Variants in RTCB observed in about 807,000 individuals in gnomAD.
The protein encoded by RTCB is RNA 2',3'-cyclic phosphate and 5'-OH ligase.
Under a neutral mutation model 58.2 loss-of-function variants are expected in RTCB, and 32 were observed. That is an observed-to-expected ratio of 0.55 (90% confidence interval 0.41 to 0.74). The LOEUF is 0.74. Ranked by LOEUF, RTCB falls within the 30% of genes least tolerant of loss-of-function variation. The probability of loss-of-function intolerance (pLI) is 0.00; values close to 1 mark genes in which losing one functional copy is unlikely to be tolerated. For synonymous variants in RTCB, 247 were observed against 218.6 expected, an observed-to-expected ratio of 1.13 and a Z score of -1.15; for missense variants, 523 against 639.0, an observed-to-expected ratio of 0.82 and a Z score of 1.96.
intron 3 of RTCB, 67 bp from the exon 4 acceptor site, chr22:32,406,828 T>C (rs953066467): frequency 3.6e-5 from 38 of 1,063,374 alleles, no homozygotes; most frequent in Middle Eastern, 2.1e-4. Context: ...CTGATGGACC[T>C]GACACTGATT....
Position 32,406,731 on chromosome 22 carries a change from CTGAA to C in RTCB, c.267_270del (p.His89GlnfsTer15). The C allele has an allele frequency of 6.2e-7, 1 of 1,612,484 alleles. No individual in the cohort carries two copies. The highest frequency in any genetic ancestry group is 8.5e-7 in the Non-Finnish European group (1 of 1,178,788). ...ATGTTCCCAATAGCAAACCCATATC[CTGAA>C]TGGACATCAGGAAGCCCAATAGATC... On this transcript the variant is annotated frameshift_variant, in exon 4 of 12. Coordinates refer to ENST00000216038, the MANE Select transcript of RTCB (RefSeq NM_014306.5). LOFTEE classifies it high-confidence loss of function.
intron 10 of RTCB, among the ~76,000 whole-genome samples, chr22:32,393,431 T>C (rs945716491): frequency 1.1e-4 from 16 of 152,268 alleles, no homozygotes; most frequent in African/African-American, 3.9e-4. Context: ...TGTTTTGAAA[T>C]GGGTGTGTGT....
chr22:32,407,498 C>T (rs1034059912), intron 3 of RTCB: 1 of 152,386 alleles, frequency 6.6e-6, no homozygotes, highest in Admixed American at 6.5e-5. Context: ...CTTGCCATTT[C>T]TTCTTCAATG....
rs947280865 is a variant in RTCB at position 32,406,738 on chromosome 22, G to A, written c.264C>T (p.Val88=). The change falls in exon 4 of 12, where the codon GTC becomes GTT. Residue 88 remains valine (V), a synonymous_variant. Coordinates refer to ENST00000216038, the MANE Select transcript of RTCB (RefSeq NM_014306.5). Reference sequence around the variant, plus strand: ...CAATAGCAAACCCATATCCTGAATGGACATCAGGAAGCCCAATAGATCGCT... The same window carrying A: ...CAATAGCAAACCCATATCCTGAATGAACATCAGGAAGCCCAATAGATCGCT... ...IVHRSIGLPD[V]HSGYGFAIGN... 1 of 1,611,090 alleles carries A rather than the reference G, an allele frequency of 6.2e-7. No homozygotes were observed. Among genetic ancestry groups the A allele is most frequent in the Non-Finnish European group, 8.5e-7 (1 of 1,177,502 alleles).
intron 11 of RTCB, among the ~76,000 whole-genome samples, chr22:32,391,086 G>A (rs956981290): frequency 4.6e-5 from 7 of 152,156 alleles, no homozygotes; most frequent in African/African-American, 1.7e-4. Flanking sequence ...ATAGGCATGA[G>A]CCACCATGTA....
intron 1 of RTCB, among the ~76,000 whole-genome samples, chr22:32,411,281 G>A (rs924852558): frequency 6.6e-6 from 1 of 152,172 alleles, no homozygotes; most frequent in Non-Finnish European, 1.5e-5. Flanking sequence ...TTAAAAATAC[G>A]TTGCAAAACT....
chr22:32,409,114 A>G (rs552058190), intron 1 of RTCB, among the ~76,000 whole-genome samples: 1 of 152,292 alleles, frequency 6.6e-6, no homozygotes, highest in Non-Finnish European at 1.5e-5. Context: ...TCTTTTTGTG[A>G]TAAAGAAAAA....
intron 1 of RTCB, among the ~76,000 whole-genome samples, chr22:32,409,571 A>G (rs1168042785): frequency 6.6e-6 from 1 of 152,240 alleles, no homozygotes; most frequent in East Asian, 1.9e-4. Context: ...AAGATTTAAC[A>G]CTTAATCAAT....
chr22:32,388,946 G>A (rs1042914816), intron 11 of RTCB, among the ~76,000 whole-genome samples: 4 of 151,978 alleles, frequency 2.6e-5, no homozygotes, highest in African/African-American at 4.8e-5. Context: ...GATCTTTCCC[G>A]AGGATACCAC....
chr22:32,397,993 C>T lies in RTCB; in HGVS notation c.762G>A (p.Val254=). 6.2e-7 allele frequency: 1 copy of T among 1,614,188 alleles called. No individual in the cohort carries two copies. The highest frequency in any genetic ancestry group is 8.5e-7 in the Non-Finnish European group (1 of 1,180,036). Residue 254 remains valine (V), a synonymous_variant, in exon 7 of 12, where the codon GTG becomes GTA. Coordinates refer to ENST00000216038, the MANE Select transcript of RTCB (RefSeq NM_014306.5). ...KKMGIDHKGQ[V]CVMIHSGSRG... is the part of the protein sequence containing the mutation. Reference sequence around the variant, plus strand: ...TGCTTCCACTGTGGATCATCACACACACCTGTCCCTTATGGTCGATGCCCA... The same window carrying T: ...TGCTTCCACTGTGGATCATCACACATACCTGTCCCTTATGGTCGATGCCCA...
At chr22:32,392,128 A>T in intron 11 of RTCB, 112 bp downstream of exon 11, 3 of 1,202,446 alleles carry the variant, frequency 2.5e-6, no homozygotes, top group Non-Finnish European at 3.4e-6. Flanking sequence ...ATAAAAAAAA[A>T]TAACCCAAAC....
rs759104250 is a variant in RTCB at position 32,395,026 on chromosome 22, T to A, written c.1179A>T (p.Gln393His). ...PHHPLIAVDY[Q>H]LTGQPVLIGG... The stretch of plus-strand genomic sequence containing the variant: ...AAACTACAAACGTAGAGCTACGTAC[T>A]TGGTAATCAACAGCAATGAGGGGAT... Residue 393 changes from glutamine (Q) to histidine (H), a missense_variant and splice_region_variant, in exon 9 of 12, where the codon CAA becomes CAT. This residue lies in a region of RTCB where 248 missense variants were observed against 292.5 expected (regional missense o/e 0.85). Coordinates refer to ENST00000216038, the MANE Select transcript of RTCB (RefSeq NM_014306.5). 6.2e-7 allele frequency: 1 copy of A among 1,612,438 alleles called. No individual in the cohort carries two copies. The highest frequency in any genetic ancestry group is 1.7e-5 in the Admixed American group (1 of 59,968).
chr22:32,388,001 G>T lies in RTCB; in HGVS notation c.1509C>A (p.Ile503=). Residue 503 remains isoleucine (I), a synonymous_variant, in exon 12 of 12, where the codon ATC becomes ATA. Coordinates refer to ENST00000216038, the MANE Select transcript of RTCB (RefSeq NM_014306.5). The part of the protein sequence containing the change: ...KAIKLRPIAV[I]KG ...CCTGCTGTCCAAGGTTCTATCCTTT[G>T]ATCACAGCAATTGGTCTCAGTTTAA... The T allele has an allele frequency of 6.2e-7, 1 of 1,609,838 alleles. No individual in the cohort carries two copies. Among genetic ancestry groups the T allele is most frequent in the South Asian group, 1.1e-5 (1 of 90,950 alleles).
intron 4 of RTCB, among the ~76,000 whole-genome samples, chr22:32,405,438 GTA>G (rs753142523): frequency 4.6e-5 from 7 of 152,064 alleles, no homozygotes; most frequent in Non-Finnish European, 7.4e-5. Context: ...GAAAAAAAAT[GTA>G]TACTCTGCAC....
At chr22:32,408,579 A>G (rs1017235590) in intron 2 of RTCB, among the ~76,000 whole-genome samples, 176 bp downstream of exon 2, 1 of 152,248 alleles carries the variant, frequency 6.6e-6, no homozygotes, top group East Asian at 1.9e-4. Context: ...AATCCGTTCT[A>G]TAACGCCAAC....
chr22:32,390,000 C>G (rs1198190040), intron 11 of RTCB, among the ~76,000 whole-genome samples: 1 of 152,142 alleles, frequency 6.6e-6, no homozygotes, highest in African/African-American at 2.4e-5. Context: ...TTGCTGTTCT[C>G]TCTGCCTCGA....
rs1290849664 is a variant in RTCB at position 32,412,087 on chromosome 22, T to G, written c.70A>C (p.Lys24Gln). Reference protein sequence around the residue: ...KINKNCWRIKKGFVPNMQVEG... With the variant: ...KINKNCWRIKQGFVPNMQVEG... ...ACCTGCATGTTGGGCACGAAGCCCTTCTTGATCCTCCAGCAGTTTTTATTG... is the reference window on the plus strand; with the variant it reads ...ACCTGCATGTTGGGCACGAAGCCCTGCTTGATCCTCCAGCAGTTTTTATTG... The change falls in exon 1 of 12, where the codon AAG becomes CAG. Residue 24 changes from lysine to glutamine, a missense_variant. This residue lies in a region of RTCB where 134 missense variants were observed against 129.9 expected (regional missense o/e 1.03). Transcript: ENST00000216038. 6 of 1,609,226 alleles carry G rather than the reference T, an allele frequency of 3.7e-6. No homozygotes were observed. Among genetic ancestry groups the G allele is most frequent in the African/African-American group, 1.3e-5 (1 of 74,796 alleles).
intron 7 of RTCB, among the ~76,000 whole-genome samples, chr22:32,397,108 T>C (rs1217222461): frequency 2.7e-5 from 4 of 148,774 alleles, no homozygotes; most frequent in Non-Finnish European, 4.4e-5. Flanking sequence ...TACAAAGGGC[T>C]GTGGAAGCTC....
chr22:32,400,044 G>C, intron 5 of RTCB: 1 of 239,816 alleles, frequency 4.2e-6, no homozygotes, highest in Non-Finnish European at 7.9e-6. Context: ...TTTATATTCA[G>C]TTTTGCCTCT....
Sources: allele counts gnomAD v4.1 joint callset (sites outside exome capture counted in the v4.1 genomes callset), GRCh38; gene constraint gnomAD v4.1.1; regional missense constraint gnomAD v4.1.1; transcripts MANE v1.5; gene names NCBI Gene and HGNC (gene_info 2026-07-23, HGNC 2026-07-21).